Variants in BAZ2B observed in about 807,000 individuals in gnomAD.
BAZ2B encodes bromodomain adjacent to zinc finger domain protein 2B.
A neutral mutation model predicts 246.0 loss-of-function variants in BAZ2B; 91 were observed. The ratio of observed to expected loss-of-function variants is 0.37; its 90% CI spans 0.31 to 0.44. The LOEUF (loss-of-function observed/expected upper bound fraction) is 0.44. BAZ2B is among the 20% of genes least tolerant of loss of function. BAZ2B has a pLI of 1.00. For missense variants in BAZ2B, 2,332 were observed against 2,533.7 expected, an observed-to-expected ratio of 0.92 and a Z score of 1.71; for synonymous variants, 855 against 860.0, an observed-to-expected ratio of 0.99 and a Z score of 0.10.
Position 159,551,191 on chromosome 2 carries a change from C to T in BAZ2B, c.-3+4632G>A, listed in dbSNP as rs184679692. Reference sequence around the variant, plus strand: ...CCACTTTATTTAAAAGGTTGCCGGCCGGGCACGGTGGCTCACGCCTATAAT... The same window carrying T: ...CCACTTTATTTAAAAGGTTGCCGGCTGGGCACGGTGGCTCACGCCTATAAT... On this transcript the variant is annotated intron_variant, in intron 2 of 36. Coordinates refer to ENST00000392783, the MANE Select transcript of BAZ2B (RefSeq NM_013450.4). Among the ~76,000 whole-genome samples the T allele has an allele frequency of 7.7e-4, 116 of 151,278 alleles. 1 individual carries two copies. Among genetic ancestry groups the T allele is most frequent in the African/African-American group, 2.7e-3 (110 of 41,322 alleles).
chr2:159,584,357 T>C (rs1196807834), intron 1 of BAZ2B, among the ~76,000 whole-genome samples: 1 of 152,266 alleles, frequency 6.6e-6, no homozygotes, highest in Non-Finnish European at 1.5e-5. Flanking sequence ...CTTGACCTCA[T>C]GATCCTACCC....
intron 32 of BAZ2B, 103 bp downstream of exon 32, chr2:159,337,464 G>C: frequency 6.2e-7 from 1 of 1,604,268 alleles, no homozygotes; most frequent in Admixed American, 1.7e-5. Flanking sequence ...TAACCTACCC[G>C]TCACCATCAC....
intron 3 of BAZ2B, chr2:159,459,382 T>C (rs546535553): frequency 2.0e-4 from 31 of 152,344 alleles, no homozygotes; most frequent in Admixed American, 6.5e-4. Context: ...GAAATTATTC[T>C]TTAAATGATT....
chr2:159,468,057 G>C (rs894337478), intron 3 of BAZ2B, among the ~76,000 whole-genome samples: 1 of 152,086 alleles, frequency 6.6e-6, no homozygotes, highest in African/African-American at 2.4e-5. Context: ...CTATCCAAAC[G>C]CCTAGCTGCA....
chr2:159,650,985 T>C, the BAZ2B span, among the ~76,000 whole-genome samples: 1 of 152,180 alleles, frequency 6.6e-6, no homozygotes, highest in Non-Finnish European at 1.5e-5. Flanking sequence ...CTCCATCTCA[T>C]CTAGAAATAT....
the BAZ2B span, among the ~76,000 whole-genome samples, chr2:159,631,664 A>C: frequency 2.0e-5 from 3 of 152,244 alleles, no homozygotes; most frequent in Non-Finnish European, 4.4e-5. Flanking sequence ...AATAACTGCA[A>C]TGGATAGAAA....
chr2:159,449,779 T>C (rs868451659), intron 4 of BAZ2B, among the ~76,000 whole-genome samples: 1 of 152,152 alleles, frequency 6.6e-6, no homozygotes, highest in East Asian at 1.9e-4. Context: ...TACATTTAGA[T>C]AGGAAGAAAA....
rs185355200 is a variant in BAZ2B, at chr2:159,563,953, T to C, written c.-45-8088A>G. Reference sequence around the variant, plus strand: ...GTTCATTCAGTAAATATTTATCAAATGATTTCTATGTGGCAGGTACTGTGT... The same window carrying C: ...GTTCATTCAGTAAATATTTATCAAACGATTTCTATGTGGCAGGTACTGTGT... On this transcript the variant is annotated intron_variant, in intron 1 of 36. Coordinates refer to ENST00000392783, the MANE Select transcript of BAZ2B (RefSeq NM_013450.4). 9.8e-4 allele frequency among the ~76,000 whole-genome samples: 149 copies of C among 152,344 alleles called. 2 individuals are homozygous for C. The highest frequency in any genetic ancestry group is 2.2e-3 in the Admixed American group (34 of 15,302).
chr2:159,492,356 G>A (rs2080600358), intron 2 of BAZ2B, among the ~76,000 whole-genome samples: 1 of 152,200 alleles, frequency 6.6e-6, no homozygotes, highest in African/African-American at 2.4e-5. Context: ...ACTGTTGACT[G>A]CTGACAATTT....
chr2:159,545,879 T>C (rs1292760635), intron 2 of BAZ2B, among the ~76,000 whole-genome samples: 5 of 152,188 alleles, frequency 3.3e-5, no homozygotes, highest in African/African-American at 1.2e-4. Flanking sequence ...GACTGACTTA[T>C]TATATTGTTA....
At chr2:159,619,370 G>A (rs7580816), upstream of BAZ2B, among the ~76,000 whole-genome samples, 82,443 of 151,296 alleles carry the variant, frequency 0.54, 23,329 homozygotes, top group East Asian at 0.74. Context: ...GTCTTCTAAA[G>A]ACATTTTAAA....
At chr2:159,690,219 C>G in the BAZ2B span, 1 of 437,872 alleles carries the variant, frequency 2.3e-6, no homozygotes. Context: ...ATAGCAGGTG[C>G]TTTCACATTA....
Position 159,400,619 on chromosome 2 carries a change from G to A in BAZ2B, c.2878C>T (p.Arg960Ter), listed in dbSNP as rs2064843652. The stretch of plus-strand genomic sequence containing the variant: ...TCTACCTCTAGAATTTGCTGAGCTC[G>A]AAGTTCTTTTTCCATTCTGATTTGC... ...IQQIRMEKEL[R>*]AQQILEAKKK... is the part of the protein sequence containing the mutation. The change falls in exon 17 of 37, where the codon CGA (arginine) becomes TGA (stop). Residue 960 changes from arginine (R) to a stop codon, truncating the protein, a stop_gained. Coordinates refer to ENST00000392783, the MANE Select transcript of BAZ2B (RefSeq NM_013450.4). LOFTEE classifies it high-confidence loss of function. The A allele has an allele frequency of 6.4e-7, 1 of 1,574,544 alleles. No individual in the cohort carries two copies. Among genetic ancestry groups the A allele is most frequent in the Non-Finnish European group, 8.7e-7 (1 of 1,151,240 alleles).
the BAZ2B span, chr2:159,712,183 G>A: frequency 6.6e-6 from 1 of 151,870 alleles, no homozygotes; most frequent in South Asian, 2.1e-4. Context: ...CCCGGCGCCC[G>A]GGAGGGAAGG....
At chr2:159,705,589 A>G in the BAZ2B span, among the ~76,000 whole-genome samples, 125 of 152,314 alleles carry the variant, frequency 8.2e-4, no homozygotes, top group African/African-American at 2.8e-3. Context: ...TTACAGAATT[A>G]GAATGCTACT....
At chr2:159,333,323 T>C (rs1359061090) in intron 33 of BAZ2B, among the ~76,000 whole-genome samples, 1 of 152,188 alleles carries the variant, frequency 6.6e-6, no homozygotes, top group Non-Finnish European at 1.5e-5. Flanking sequence ...GGAAAAAAGA[T>C]ACAATACATG....
chr2:159,442,063 C>T (rs1238378084), intron 6 of BAZ2B, among the ~76,000 whole-genome samples: 2 of 151,978 alleles, frequency 1.3e-5, no homozygotes, highest in Non-Finnish European at 2.9e-5. Flanking sequence ...AGAGAATCAA[C>T]AAACAATTTA....
chr2:159,543,173 A>T (rs187996410), intron 2 of BAZ2B, among the ~76,000 whole-genome samples: 1 of 152,194 alleles, frequency 6.6e-6, no homozygotes, highest in Non-Finnish European at 1.5e-5. Flanking sequence ...TTATCATTTT[A>T]TAGAGGTTCT....
In BAZ2B at chr2:159,320,275, T is replaced by C. The variant is rs1429869279; in HGVS notation, c.6497A>G (p.Lys2166Arg). 1 of 1,550,572 alleles carries C rather than the reference T, an allele frequency of 6.4e-7. No individual in the cohort carries two copies. The highest frequency in any genetic ancestry group is 2.4e-5 in the East Asian group (1 of 41,700). ...YFEKKWTDTF[K>R]VS ...GAGATTATTATAACTTCAGCTCACT[T>C]TGAAAGTATCTGTCCACTTTTTTTC... is the stretch of plus-strand genomic sequence containing the variant. The change falls in exon 37 of 37, where the codon AAA becomes AGA. Residue 2166 changes from lysine to arginine, a missense_variant. Lys to Arg is a conservative substitution (Grantham distance 26). Around this residue, in one of 9 missense-constraint regions of BAZ2B, gnomAD observed 210 missense variants for 232.5 expected, o/e 0.90. Transcript: ENST00000392783.
Sources: allele counts gnomAD v4.1 joint callset (sites outside exome capture counted in the v4.1 genomes callset), GRCh38; gene constraint gnomAD v4.1.1; regional missense constraint gnomAD v4.1.1; transcripts MANE v1.5; gene names NCBI Gene and HGNC (gene_info 2026-07-23, HGNC 2026-07-21).